CLVS1: variants seen among roughly 807,000 people sequenced by gnomAD.
CLVS1 encodes the protein clavesin-1.
Under a neutral mutation model 33.1 loss-of-function variants are expected in CLVS1, and 10 were observed. That is an observed-to-expected ratio of 0.30 (90% CI 0.19 to 0.51). CLVS1 has a LOEUF of 0.51. CLVS1 is among the 20% of genes least tolerant of loss of function. CLVS1 has a pLI of 0.97. For missense variants in CLVS1, 343 were observed against 433.4 expected (o/e 0.79, Z 1.85); for synonymous variants, 163 against 166.1 (o/e 0.98, Z 0.14).
chr8:61,192,905 CT>C lies in CLVS1; in HGVS notation c.-152+61049del, dbSNP rs570944584. Among the ~76,000 whole-genome samples, 1,043 of 152,294 alleles carry C rather than the reference CT, an allele frequency of 6.8e-3. 17 individuals carry two copies. Among genetic ancestry groups the C allele is most frequent in the African/African-American group, 0.024 (980 of 41,548 alleles). ...GAGAGGACGTGGAGAAATAGGAACA[CT>C]TTTACACTGTTGGTGGAACTGTAAA... is the stretch of plus-strand genomic sequence containing the variant. On this transcript the variant is annotated intron_variant, in intron 2 of 2. Coordinates refer to the CLVS1 transcript ENST00000522621.
chr8:61,489,554 C>G (rs1228623866), intron 5 of CLVS1, among the ~76,000 whole-genome samples: 1 of 152,148 alleles, frequency 6.6e-6, no homozygotes, highest in Non-Finnish European at 1.5e-5. Flanking sequence ...TACACTACAA[C>G]CATGACAGAT....
intron 2 of CLVS1, among the ~76,000 whole-genome samples, chr8:61,339,106 C>T (rs550100734): frequency 6.6e-6 from 1 of 152,038 alleles, no homozygotes; most frequent in East Asian, 1.9e-4. Context: ...GACTGGTGGG[C>T]CAGGGCACTA....
At chr8:61,156,718 A>G (rs890762816) in intron 2 of CLVS1, among the ~76,000 whole-genome samples, 1 of 152,224 alleles carries the variant, frequency 6.6e-6, no homozygotes, top group Non-Finnish European at 1.5e-5. Context: ...CATGGGTTTT[A>G]AAAAATATTA....
At chr8:61,304,748 T>G (rs1299840806) in intron 2 of CLVS1, among the ~76,000 whole-genome samples, 1 of 152,172 alleles carries the variant, frequency 6.6e-6, no homozygotes, top group Non-Finnish European at 1.5e-5. Flanking sequence ...GCCCCAGTGC[T>G]GGAGAAGAAA....
At chr8:61,041,699 A>G in the CLVS1 span, among the ~76,000 whole-genome samples, 3 of 152,148 alleles carry the variant, frequency 2.0e-5, no homozygotes. Context: ...AATGCTGCCC[A>G]TTTTTGTGCA....
chr8:61,049,053 A>G, the CLVS1 span, among the ~76,000 whole-genome samples: 11 of 152,332 alleles, frequency 7.2e-5, no homozygotes, highest in East Asian at 2.1e-3. Context: ...AAATTTATTC[A>G]GGGACACCTC....
At chr8:61,015,629 G>T in the CLVS1 span, among the ~76,000 whole-genome samples, 1 of 152,214 alleles carries the variant, frequency 6.6e-6, no homozygotes, top group Non-Finnish European at 1.5e-5. Flanking sequence ...CTGAACACAC[G>T]TGGGAGAAAA....
intron 2 of CLVS1, among the ~76,000 whole-genome samples, chr8:61,277,277 C>T (rs1809576881): frequency 3.9e-5 from 6 of 152,218 alleles, no homozygotes; most frequent in Admixed American, 3.3e-4. Flanking sequence ...GTCTATACCA[C>T]ACTCCCATGT....
At chr8:61,345,646 G>A (rs1363422014) in intron 2 of CLVS1, among the ~76,000 whole-genome samples, 2 of 150,802 alleles carry the variant, frequency 1.3e-5, no homozygotes, top group African/African-American at 4.9e-5. Context: ...GTATGTGTGT[G>A]TGTGTGTGTG....
At chr8:61,032,988 G>A in the CLVS1 span, among the ~76,000 whole-genome samples, 1,629 of 74,562 alleles carry the variant, frequency 0.022, 24 homozygotes, top group African/African-American at 0.04. Context: ...AAGGAAGGAA[G>A]GAAGGAAAGA....
chr8:60,967,599 C>A, the CLVS1 span: 1 of 455,724 alleles, frequency 2.2e-6, no homozygotes, highest in Admixed American at 2.4e-5. Context: ...CATTCAGCTT[C>A]TGGGAACCAT....
chr8:61,073,649 C>T (rs1048739614), intron 1 of CLVS1, among the ~76,000 whole-genome samples: 13 of 151,790 alleles, frequency 8.6e-5, no homozygotes, highest in East Asian at 1.9e-4. Context: ...TCATATCTAA[C>T]GATAGATATT....
At chr8:61,037,480 C>T in the CLVS1 span, among the ~76,000 whole-genome samples, 24 of 152,250 alleles carry the variant, frequency 1.6e-4, no homozygotes, top group East Asian at 1.9e-3. Flanking sequence ...ATTTTAAGGC[C>T]GCATAATATC....
upstream of CLVS1, among the ~76,000 whole-genome samples, chr8:61,286,329 A>G (rs1052392329): frequency 1.3e-5 from 2 of 152,206 alleles, no homozygotes; most frequent in African/African-American, 4.8e-5. Flanking sequence ...ATATTTCTGC[A>G]ATAATCTGCT....
intron 2 of CLVS1, among the ~76,000 whole-genome samples, chr8:61,230,066 C>T (rs576144991): frequency 3.2e-4 from 49 of 152,292 alleles, no homozygotes; most frequent in African/African-American, 1.1e-3. Flanking sequence ...ATGATCCTTA[C>T]ACTATGGTGA....
chr8:60,997,934 TTGTG>T, the CLVS1 span, among the ~76,000 whole-genome samples: 7 of 150,458 alleles, frequency 4.7e-5, no homozygotes, highest in East Asian at 1.9e-4. Context: ...CTTAAGGTGC[TTGTG>T]TGTGTGTGTG....
chr8:61,014,701 A>T, the CLVS1 span, among the ~76,000 whole-genome samples: 3 of 152,388 alleles, frequency 2.0e-5, no homozygotes, highest in Non-Finnish European at 4.4e-5. Context: ...TTTAAGGCTT[A>T]TGAAGACTTG....
chr8:61,014,957 C>G, the CLVS1 span, among the ~76,000 whole-genome samples: 2 of 152,210 alleles, frequency 1.3e-5, no homozygotes, highest in African/African-American at 4.8e-5. Flanking sequence ...GATGGCCTGA[C>G]CATCAGTGAC....
At chr8:61,269,020 A>C (rs1277226881) in intron 2 of CLVS1, among the ~76,000 whole-genome samples, 1 of 142,192 alleles carries the variant, frequency 7.0e-6, no homozygotes, top group African/African-American at 2.7e-5. Context: ...TCTTTAGTTT[A>C]ATTAGATCCC....
Sources: allele counts gnomAD v4.1 joint callset (sites outside exome capture counted in the v4.1 genomes callset), GRCh38; gene constraint gnomAD v4.1.1; transcripts MANE v1.5; gene names NCBI Gene and HGNC (gene_info 2026-07-23, HGNC 2026-07-21).